Variants in CAPN9 observed in about 807,000 individuals in gnomAD.
The protein encoded by CAPN9 is calpain 9, also known as calpain-9.
CAPN9 carries 81 observed loss-of-function variants against 92.8 expected under a neutral mutation model. The ratio of observed to expected loss-of-function variants is 0.87; its 90% CI spans 0.73 to 1.05. The LOEUF (loss-of-function observed/expected upper bound fraction) is 1.05. Among genes scored for constraint, CAPN9 ranks in the 50% least tolerant of loss-of-function variants. The probability of loss-of-function intolerance (pLI) is 0.00; values close to 1 mark genes in which losing one functional copy is unlikely to be tolerated. For missense variants in CAPN9, 848 were observed against 866.2 expected (o/e 0.98, Z 0.26); for synonymous variants, 304 against 328.0 (o/e 0.93, Z 0.79).
intron 1 of CAPN9, among the ~76,000 whole-genome samples, chr1:230,748,385 C>A (rs1362767496): frequency 6.6e-6 from 1 of 152,154 alleles, no homozygotes; most frequent in Non-Finnish European, 1.5e-5. Context: ...TCTGACCCGG[C>A]GCCAGCTGGG....
chr1:230,770,070 C>G (rs1442019864), intron 6 of CAPN9, among the ~76,000 whole-genome samples: 2 of 152,134 alleles, frequency 1.3e-5, no homozygotes, highest in Non-Finnish European at 2.9e-5. Flanking sequence ...GGTTGGCACC[C>G]CAACCCCTGA....
intron 8 of CAPN9, among the ~76,000 whole-genome samples, chr1:230,777,633 T>C (rs987055182): frequency 2.6e-5 from 4 of 152,094 alleles, no homozygotes; most frequent in Non-Finnish European, 5.9e-5. Flanking sequence ...CCAGTTCCTC[T>C]TCTCCCTTAC....
intron 11 of CAPN9, among the ~76,000 whole-genome samples, chr1:230,782,844 C>G (rs1486314098): frequency 6.6e-6 from 1 of 151,998 alleles, no homozygotes; most frequent in Admixed American, 6.6e-5. Context: ...CAGAGAAACC[C>G]TATCTCTACT....
At chr1:230,769,858 G>C (rs530964193) in intron 6 of CAPN9, among the ~76,000 whole-genome samples, 1 of 152,164 alleles carries the variant, frequency 6.6e-6, no homozygotes, top group South Asian at 2.1e-4. Context: ...TTAATAAATA[G>C]TAAATGTATT....
intron 12 of CAPN9, among the ~76,000 whole-genome samples, chr1:230,786,670 T>G (rs772932184): frequency 3.3e-5 from 5 of 152,218 alleles, no homozygotes; most frequent in Non-Finnish European, 7.3e-5. Flanking sequence ...CAGGGTTTTC[T>G]TAACATTAGT....
intron 12 of CAPN9, 42 bp from the exon 13 acceptor site, chr1:230,787,480 T>C (rs746252176): frequency 1.3e-6 from 2 of 1,558,214 alleles, no homozygotes; most frequent in South Asian, 2.2e-5. Context: ...ATGTTTCTTT[T>C]TTGTGGATCA....
rs770537258 is a variant in CAPN9 at position 230,795,251 on chromosome 1, C to A, written c.1959C>A (p.Asn653Lys). The A allele has an allele frequency of 2.5e-6, 4 of 1,612,394 alleles. No homozygotes were observed. The highest frequency in any genetic ancestry group is 3.4e-6 in the Non-Finnish European group (4 of 1,178,850). ...AGCTGGACTTCGATGACTTCCTCAA[C>A]TGCCTGGTCCGGCTGGAGAATGCGA... is the stretch of plus-strand genomic sequence containing the variant. ...ELQLDFDDFLNCLVRLENASR... is the reference protein window; with the variant it reads ...ELQLDFDDFLKCLVRLENASR... Residue 653 changes from asparagine (N) to lysine (K), a missense_variant, in exon 18 of 20, where the codon AAC becomes AAA. By Grantham distance (94) the Asn-to-Lys change is moderately conservative (BLOSUM62 0). Coordinates refer to ENST00000271971, the MANE Select transcript of CAPN9 (RefSeq NM_006615.3).
chr1:230,790,785 A>AACAC lies in CAPN9; in HGVS notation c.1657+608_1657+611dup, dbSNP rs954338016. On this transcript the variant is annotated intron_variant, in intron 14 of 19. Transcript: ENST00000271971. ...TGAAACCCCATCTCTACTAAAAATAAACACACACACACACAATCAGCCAGG... is the reference window on the plus strand; with the variant it reads ...TGAAACCCCATCTCTACTAAAAATAAACACACACACACACACACAATCAGCCAGG... 1.2e-3 allele frequency among the ~76,000 whole-genome samples: 179 copies of AACAC among 151,954 alleles called. 1 individual carries two copies. The highest frequency in any genetic ancestry group is 3.8e-3 in the African/African-American group (157 of 41,436).
chr1:230,777,265 A>G (rs958700500), intron 8 of CAPN9, among the ~76,000 whole-genome samples: 2 of 152,084 alleles, frequency 1.3e-5, no homozygotes, highest in Admixed American at 6.6e-5. Context: ...CACAAAGAAG[A>G]GCGTCCATGT....
chr1:230,783,309 C>G (rs1667355196), intron 11 of CAPN9, among the ~76,000 whole-genome samples: 1 of 152,208 alleles, frequency 6.6e-6, no homozygotes, highest in African/African-American at 2.4e-5. Flanking sequence ...CCAGAATTCA[C>G]AAGTTCTTGG....
intron 18 of CAPN9, 25 bp downstream of exon 18, chr1:230,795,304 T>C: frequency 6.8e-7 from 1 of 1,467,538 alleles, no homozygotes; most frequent in Non-Finnish European, 9.5e-7. Flanking sequence ...AGGCTGAGGG[T>C]GCACCTCGGG....
At chr1:230,773,190 C>A (rs1341600684) in intron 7 of CAPN9, among the ~76,000 whole-genome samples, 1 of 152,182 alleles carries the variant, frequency 6.6e-6, no homozygotes, top group African/African-American at 2.4e-5. Flanking sequence ...CCTGTGCTTT[C>A]CAGGCTGTCA....
chr1:230,789,862 T>C (rs1667861394), intron 13 of CAPN9, among the ~76,000 whole-genome samples: 1 of 152,172 alleles, frequency 6.6e-6, no homozygotes, highest in Admixed American at 6.5e-5. Flanking sequence ...ACCACTGCCT[T>C]GCCCTGCCCA....
In CAPN9 at chr1:230,801,695, C is replaced by A; in HGVS notation, c.*99C>A. On this transcript the variant is annotated 3_prime_UTR_variant, in exon 20 of 20. Coordinates refer to ENST00000271971, the MANE Select transcript of CAPN9 (RefSeq NM_006615.3). ...GTGTGGAACCATTACGCCCAGGGTT[C>A]ACTCCCCTCTCATCGTCCGGCCTTC... 1 of 1,059,394 alleles carries A rather than the reference C, an allele frequency of 9.4e-7. No homozygotes were observed. Among genetic ancestry groups the A allele is most frequent in the South Asian group, 1.3e-5 (1 of 79,814 alleles). 65.6% of individuals were successfully genotyped at this position (1,059,394 alleles called of 1,614,324 possible).
chr1:230,769,851 A>C (rs1456503990), intron 6 of CAPN9, among the ~76,000 whole-genome samples: 1 of 152,180 alleles, frequency 6.6e-6, no homozygotes, highest in Non-Finnish European at 1.5e-5. Flanking sequence ...GTTCCACTTA[A>C]TAAATAGTAA....
chr1:230,801,609 G>T lies in CAPN9; in HGVS notation c.*13G>T. 6.2e-7 allele frequency: 1 copy of T among 1,612,236 alleles called. No individual in the cohort carries two copies. The highest frequency in any genetic ancestry group is 1.3e-5 in the African/African-American group (1 of 75,000). ...AATGAACATCTGAGGCTGCCTTGTA[G>T]AGATGCAGCCTGCCCAGCTGAATCT... On this transcript the variant is annotated 3_prime_UTR_variant, in exon 20 of 20. Transcript: ENST00000271971.
Position 230,792,780 on chromosome 1 carries a change from C to T in CAPN9, c.1792-70C>T, listed in dbSNP as rs6667237. 8.8e-5 allele frequency: 116 copies of T among 1,323,846 alleles called. No individual in the cohort carries two copies. In the African/African-American group the frequency reaches 1.6e-3, roughly 18 times the overall value. The allele number at this position is 1,323,846 out of a possible 1,614,324, so 82.0% of individuals were successfully genotyped here. On this transcript the variant is annotated intron_variant, in intron 16 of 19. Coordinates refer to ENST00000271971, the MANE Select transcript of CAPN9 (RefSeq NM_006615.3). ...GGTAGCTCCCCCGGGCTGGCTGTCA[C>T]CCATTTACTGCCATCAGCGATGCCT...
At chr1:230,771,002 G>C (rs1460950574) in intron 6 of CAPN9, among the ~76,000 whole-genome samples, 1 of 152,160 alleles carries the variant, frequency 6.6e-6, no homozygotes, top group Non-Finnish European at 1.5e-5. Context: ...ACCATCCATA[G>C]ATGACTTGCA....
rs76300799 is a variant in CAPN9 at position 230,769,517 on chromosome 1, T to C, written c.789+254T>C. On this transcript the variant is annotated intron_variant, in intron 6 of 19. Transcript: ENST00000271971. Reference sequence around the variant, plus strand: ...TTTGTTTATTTTTAATTTCCTTTCTTTCCCAATTCTCCTTCAGTCCTGTGT... The same window carrying C: ...TTTGTTTATTTTTAATTTCCTTTCTCTCCCAATTCTCCTTCAGTCCTGTGT... 7.6e-3 allele frequency among the ~76,000 whole-genome samples: 1,164 copies of C among 152,336 alleles called. 9 individuals are homozygous for C. The highest frequency in any genetic ancestry group is 0.013 in the Non-Finnish European group (907 of 68,044).
Sources: gnomAD v4.1 joint callset for allele counts (sites outside exome capture counted in the v4.1 genomes callset) on GRCh38, gnomAD v4.1.1 for gene constraint, MANE v1.5 for transcripts, NCBI Gene and HGNC (gene_info 2026-07-23, HGNC 2026-07-21) for gene names.